The following FAM20C variants were observed in gnomAD, a reference collection of about 807,000 sequenced individuals.
The protein encoded by FAM20C is FAM20C golgi associated secretory pathway kinase.
FAM20C carries 40 observed loss-of-function variants against 51.5 expected under a neutral mutation model. That is an observed-to-expected ratio of 0.78 (90% CI 0.60 to 1.01). The LOEUF is 1.01. Among genes scored for constraint, FAM20C ranks in the 50% least tolerant of loss-of-function variants. The pLI is 0.00. For synonymous variants in FAM20C, 406 were observed against 380.6 expected (o/e 1.07, Z -0.78); for missense variants, 861 against 844.7 (o/e 1.02, Z -0.24).
At chr7:237,358 A>G (rs1402364230) in intron 3 of FAM20C, among the ~76,000 whole-genome samples, 5 of 152,374 alleles carry the variant, frequency 3.3e-5, no homozygotes, top group African/African-American at 1.2e-4. Flanking sequence ...CTCACATTTT[A>G]GCATCACACA....
At chr7:234,562 C>A (rs930277635) in intron 3 of FAM20C, among the ~76,000 whole-genome samples, 4 of 152,244 alleles carry the variant, frequency 2.6e-5, no homozygotes, top group African/African-American at 9.6e-5. Flanking sequence ...GAGGCTTTGC[C>A]GAGAAGGTGC....
intron 3 of FAM20C, among the ~76,000 whole-genome samples, chr7:236,241 A>T (rs963402934): frequency 3.0e-5 from 4 of 134,748 alleles, no homozygotes; most frequent in Non-Finnish European, 6.2e-5. Context: ...CTCCTGGCCG[A>T]GGTGAGAGTC....
chr7:234,034 A>C (rs1290423195), intron 3 of FAM20C, among the ~76,000 whole-genome samples: 4 of 152,210 alleles, frequency 2.6e-5, no homozygotes, highest in Non-Finnish European at 5.9e-5. Context: ...AGATGTGGGC[A>C]TCACGGCTGC....
chr7:253,995 G>T (rs928432297), intron 5 of FAM20C, among the ~76,000 whole-genome samples: 30 of 152,226 alleles, frequency 2.0e-4, no homozygotes, highest in African/African-American at 6.0e-4. Context: ...CACGAGACAG[G>T]ATTGCAGCTG....
chr7:195,810 T>C, intron 2 of FAM20C, 78 bp downstream of exon 2: 1 of 1,353,590 alleles, frequency 7.4e-7, no homozygotes, highest in East Asian at 2.7e-5. Flanking sequence ...AGGCTATGTG[T>C]TAGAGAGGTC....
chr7:208,600 G>A (rs116959702), intron 2 of FAM20C, among the ~76,000 whole-genome samples: 1 of 76,932 alleles, frequency 1.3e-5, no homozygotes, highest in African/African-American at 3.1e-5. Context: ...TGCTGATGTG[G>A]GTGGCTTATA....
At chr7:229,061 A>G in intron 3 of FAM20C, 2 of 309,388 alleles carry the variant, frequency 6.5e-6, no homozygotes, top group South Asian at 2.2e-5. Flanking sequence ...CCTCCCTGTC[A>G]GCCCCACGGG....
rs147072349 is a variant in FAM20C, at chr7:258,410, G to A, written c.1446-236G>A. On this transcript the variant is annotated intron_variant, in intron 8 of 9. Transcript: ENST00000313766. ...ACCCACTGCCCGGGATGCTGGAGAT[G>A]GGTGGGGTGGACCCACTGCCTGGGG... Among the ~76,000 whole-genome samples the A allele has an allele frequency of 0.066, 4,008 of 60,524 alleles. 157 individuals are homozygous for A. Among genetic ancestry groups the A allele is most frequent in the African/African-American group, 0.15 (1,660 of 11,302 alleles). The allele number at this position is 60,524 out of a possible 152,430, so 39.7% of individuals were successfully genotyped here. A position where few individuals can be genotyped will look rare whatever the true frequency, so the allele number is the denominator to read the frequency against.
In FAM20C at chr7:193,821, A is replaced by G. The variant is rs1161589644; in HGVS notation, c.605+17A>G. On this transcript the variant is annotated intron_variant, in intron 1 of 9. Coordinates refer to ENST00000313766, the MANE Select transcript of FAM20C (RefSeq NM_020223.4). Reference sequence around the variant, plus strand: ...CCCGGACTGGTGAGTGGGGGCTGGCAGGTGCCCACCCCCAAGGGAGCCGTG... The same window carrying G: ...CCCGGACTGGTGAGTGGGGGCTGGCGGGTGCCCACCCCCAAGGGAGCCGTG... The G allele has an allele frequency of 7.7e-6, 12 of 1,552,070 alleles. No individual in the cohort carries two copies.
chr7:257,873 T>TGGAGATGGGCA (rs1562401060), intron 8 of FAM20C, among the ~76,000 whole-genome samples: 3 of 33,392 alleles, frequency 9.0e-5, no homozygotes, highest in African/African-American at 2.3e-4. Flanking sequence ...GAGATGGGGC[T>TGGAGATGGGCA]GGGTGGACCC....
chr7:250,663 G>GGGTCA (rs1788361075), intron 5 of FAM20C, among the ~76,000 whole-genome samples: 1 of 152,010 alleles, frequency 6.6e-6, no homozygotes, highest in East Asian at 1.9e-4. Context: ...CCCTTGGGTC[G>GGGTCA]ACCCTGACCG....
intron 6 of FAM20C, chr7:256,395 C>A: frequency 1.7e-6 from 1 of 573,804 alleles, no homozygotes; most frequent in Non-Finnish European, 3.1e-6. Flanking sequence ...GTCCTGTTTC[C>A]CCACAGAGAC....
intron 8 of FAM20C, 64 bp from the exon 9 acceptor site, chr7:258,582 A>G: frequency 6.6e-7 from 1 of 1,507,070 alleles, no homozygotes; most frequent in Non-Finnish European, 8.9e-7. Context: ...CCCAGCTCCC[A>G]GCCCAGCAGC....
chr7:199,925 C>A (rs1005297013), intron 2 of FAM20C, among the ~76,000 whole-genome samples: 17 of 152,220 alleles, frequency 1.1e-4, no homozygotes, highest in African/African-American at 3.9e-4. Flanking sequence ...CATAATTGCT[C>A]CATCCAGATT....
intron 9 of FAM20C, among the ~76,000 whole-genome samples, chr7:259,464 C>G (rs964072053): frequency 5.4e-5 from 8 of 148,590 alleles, no homozygotes; most frequent in South Asian, 2.1e-4. Context: ...CTGTCTCTCT[C>G]TCTGTCTCGG....
intron 3 of FAM20C, among the ~76,000 whole-genome samples, chr7:211,848 C>G (rs117277778): frequency 6.6e-6 from 1 of 152,192 alleles, no homozygotes; most frequent in Non-Finnish European, 1.5e-5. Context: ...GGGCACGTGG[C>G]GGGCGGAGGC....
rs962615330 is a variant in FAM20C, at chr7:195,819, T to C, written c.784+87T>C. On this transcript the variant is annotated intron_variant, in intron 2 of 9. Coordinates refer to ENST00000313766, the MANE Select transcript of FAM20C (RefSeq NM_020223.4). ...TGGGGCAGGCTATGTGTTAGAGAGG[T>C]CTGGGAGGCCGTTGCTCATTACGGC... 99 of 1,286,088 alleles carry C rather than the reference T, an allele frequency of 7.7e-5. No homozygotes were observed. The South Asian group carries it at 1.3e-3, about 16-fold the overall frequency. The allele number at this position is 1,286,088 out of a possible 1,614,324, so 79.7% of individuals were successfully genotyped here.
intron 3 of FAM20C, among the ~76,000 whole-genome samples, chr7:222,231 TTC>T (rs1787259877): frequency 6.6e-6 from 1 of 152,140 alleles, no homozygotes; most frequent in African/African-American, 2.4e-5. Context: ...CTTAGAAAGC[TTC>T]TCAGTGGGTG....
At chr7:241,180 C>A (rs1458863773) in intron 3 of FAM20C, among the ~76,000 whole-genome samples, 4 of 152,078 alleles carry the variant, frequency 2.6e-5, no homozygotes, top group African/African-American at 9.7e-5. Context: ...TCACCTGGGT[C>A]TGGCCCCTTC....
Sources: gnomAD v4.1 joint callset for allele counts (sites outside exome capture counted in the v4.1 genomes callset) on GRCh38, gnomAD v4.1.1 for gene constraint, MANE v1.5 for transcripts, NCBI Gene and HGNC (gene_info 2026-07-23, HGNC 2026-07-21) for gene names.